Variants in SPECC1 observed in about 807,000 individuals in gnomAD.
SPECC1 encodes cytospin-B.
In SPECC1, 62 loss-of-function variants were observed where a neutral mutation model predicts 104.1. The observed-to-expected ratio is 0.60, with a 90% CI of 0.49 to 0.74. The LOEUF (loss-of-function observed/expected upper bound fraction) is 0.74. Among genes scored for constraint, SPECC1 ranks in the 30% least tolerant of loss-of-function variants. The pLI is 0.00. For missense variants in SPECC1, 1,306 were observed against 1,310.5 expected (o/e 1.00, Z 0.05); for synonymous variants, 513 against 501.6 (o/e 1.02, Z -0.30).
chr17:20,269,400 C>A (rs1217407316), intron 12 of SPECC1, among the ~76,000 whole-genome samples: 1 of 152,206 alleles, frequency 6.6e-6, no homozygotes, highest in Non-Finnish European at 1.5e-5. Context: ...GGGCTGGATG[C>A]TGAGTCCCTA....
chr17:20,070,182 TG>T (rs1433877903), intron 1 of SPECC1, among the ~76,000 whole-genome samples: 1 of 152,230 alleles, frequency 6.6e-6, no homozygotes, highest in Non-Finnish European at 1.5e-5. Context: ...GAGACACCCT[TG>T]TCTAGTTTCT....
chr17:20,165,985 G>T (rs1229093590), intron 3 of SPECC1, among the ~76,000 whole-genome samples: 1 of 151,940 alleles, frequency 6.6e-6, no homozygotes, highest in Non-Finnish European at 1.5e-5. Flanking sequence ...CTCCCATTCT[G>T]TAGGTAGCAG....
chr17:20,286,028 A>G (rs2040933261), intron 12 of SPECC1, among the ~76,000 whole-genome samples: 1 of 152,062 alleles, frequency 6.6e-6, no homozygotes, highest in Non-Finnish European at 1.5e-5. Context: ...TGCCCAGGCT[A>G]GTCTTGAGCT....
rs77754953 is a variant in SPECC1, at chr17:20,230,644, C to G, written c.2072-1114C>G. ...TCCACAGCAAAATTTAGACACATGC[C>G]TGTGGTTATATCATCATATATCCAA... On this transcript the variant is annotated intron_variant, in intron 5 of 14. Transcript: ENST00000395527. 1.6e-3 allele frequency among the ~76,000 whole-genome samples: 246 copies of G among 152,276 alleles called. 1 individual carries two copies. The highest frequency in any genetic ancestry group is 5.8e-3 in the African/African-American group (240 of 41,540).
intron 3 of SPECC1, among the ~76,000 whole-genome samples, chr17:20,151,357 A>G (rs1363924675): frequency 6.6e-6 from 1 of 152,222 alleles, no homozygotes; most frequent in Non-Finnish European, 1.5e-5. Context: ...CTTCAACAGT[A>G]CTGCGTTGTC....
intron 7 of SPECC1, among the ~76,000 whole-genome samples, chr17:20,239,796 G>A (rs2039108549): frequency 6.6e-6 from 1 of 150,754 alleles, no homozygotes; most frequent in African/African-American, 2.4e-5. Flanking sequence ...CTGAGCAGTA[G>A]TGGAGAGCCT....
rs1254372252 is a variant in SPECC1 at position 20,315,700 on chromosome 17, TAGG to T, written c.*1638_*1640del. ...CAGCCCCTTACCATTCCTGGAGAGGTAGGAGCTCAGTCCCTTCCTCCAAGCCAG... is the reference window on the plus strand; with the variant it reads ...CAGCCCCTTACCATTCCTGGAGAGGTAGCTCAGTCCCTTCCTCCAAGCCAG... On this transcript the variant is annotated 3_prime_UTR_variant, in exon 15 of 15. Coordinates refer to ENST00000395527, the MANE Select transcript of SPECC1 (RefSeq NM_001243439.2). 1 of 232,012 alleles carries T rather than the reference TAGG, an allele frequency of 4.3e-6. No individual in the cohort carries two copies. The highest frequency in any genetic ancestry group is 8.5e-6 in the Non-Finnish European group (1 of 117,424). 14.4% of individuals were successfully genotyped at this position (232,012 alleles called of 1,614,324 possible). A position where few individuals can be genotyped will look rare whatever the true frequency, so the allele number is the denominator to read the frequency against.
At chr17:20,065,287 A>G (rs1375802712) in intron 1 of SPECC1, among the ~76,000 whole-genome samples, 1 of 152,198 alleles carries the variant, frequency 6.6e-6, no homozygotes, top group Non-Finnish European at 1.5e-5. Flanking sequence ...CAGATCCCAC[A>G]GGGCAAAACT....
chr17:20,311,252 T>C (rs9908418), intron 14 of SPECC1, among the ~76,000 whole-genome samples: 18,162 of 152,190 alleles, frequency 0.12, 1,117 homozygotes, highest in Non-Finnish European at 0.13. Context: ...GTAAATGCTT[T>C]GGGATTTTTC....
intron 1 of SPECC1, among the ~76,000 whole-genome samples, chr17:20,055,262 T>C (rs2045918698): frequency 9.2e-6 from 1 of 109,084 alleles, no homozygotes; most frequent in African/African-American, 3.6e-5. Context: ...TTATAGAATT[T>C]CCTTTTTTTT....
chr17:20,136,135 C>G (rs2029932379), intron 3 of SPECC1, among the ~76,000 whole-genome samples: 1 of 152,012 alleles, frequency 6.6e-6, no homozygotes, highest in Non-Finnish European at 1.5e-5. Flanking sequence ...CAAACCATTG[C>G]ACTGGGCGCG....
chr17:20,256,356 C>T (rs532975985), intron 10 of SPECC1, among the ~76,000 whole-genome samples: 2 of 152,248 alleles, frequency 1.3e-5, no homozygotes, highest in Admixed American at 1.3e-4. Flanking sequence ...TTACTTGCTT[C>T]TAGCAATCCC....
Position 20,247,401 on chromosome 17 carries a change from C to T in SPECC1, c.2598+82C>T, listed in dbSNP as rs1296768698. The T allele has an allele frequency of 3.5e-5, 33 of 942,170 alleles. No homozygotes were observed. In the Middle Eastern group the frequency reaches 2.4e-3, roughly 69 times the overall value. 58.4% of individuals were successfully genotyped at this position (942,170 alleles called of 1,614,324 possible). Reference sequence around the variant, plus strand: ...GTTTTTCTTTACACATATTAGTGTCCGTGTGTGTATGTGTGTGTGTAGAGT... The same window carrying T: ...GTTTTTCTTTACACATATTAGTGTCTGTGTGTGTATGTGTGTGTGTAGAGT... On this transcript the variant is annotated intron_variant, in intron 9 of 14. Coordinates refer to ENST00000395527, the MANE Select transcript of SPECC1 (RefSeq NM_001243439.2).
At chr17:20,074,489 T>A (rs2046680163) in intron 1 of SPECC1, among the ~76,000 whole-genome samples, 1 of 152,238 alleles carries the variant, frequency 6.6e-6, no homozygotes, top group African/African-American at 2.4e-5. Context: ...TTTTGCTTTT[T>A]ATTTCCTTGT....
At chr17:20,264,866 A>T (rs909277592) in intron 12 of SPECC1, among the ~76,000 whole-genome samples, 4 of 152,118 alleles carry the variant, frequency 2.6e-5, no homozygotes, top group Non-Finnish European at 5.9e-5. Context: ...TATAAGTGAG[A>T]TGTGGTATTT....
chr17:20,194,208 C>G (rs776007622), intron 3 of SPECC1, among the ~76,000 whole-genome samples: 2 of 152,122 alleles, frequency 1.3e-5, no homozygotes, highest in Non-Finnish European at 2.9e-5. Context: ...AAGCTGAGCC[C>G]CATCATGGGT....
chr17:20,247,460 A>G, intron 9 of SPECC1, 141 bp downstream of exon 9: 1 of 520,522 alleles, frequency 1.9e-6, no homozygotes, highest in Non-Finnish European at 3.4e-6. Flanking sequence ...ACTATGCATT[A>G]TTCCAATACT....
intron 7 of SPECC1, among the ~76,000 whole-genome samples, chr17:20,235,546 C>T (rs932571086): frequency 6.6e-6 from 1 of 152,086 alleles, no homozygotes; most frequent in Non-Finnish European, 1.5e-5. Context: ...TATATTGTGC[C>T]GCATACAAGC....
intron 4 of SPECC1, among the ~76,000 whole-genome samples, chr17:20,221,961 T>C (rs2037903019): frequency 6.6e-6 from 1 of 152,108 alleles, no homozygotes; most frequent in Non-Finnish European, 1.5e-5. Flanking sequence ...AGTTCCTCTT[T>C]GTGATTTCTA....
Sources: gnomAD v4.1 joint callset for allele counts (sites outside exome capture counted in the v4.1 genomes callset) on GRCh38, gnomAD v4.1.1 for gene constraint, MANE v1.5 for transcripts, NCBI Gene and HGNC (gene_info 2026-07-23, HGNC 2026-07-21) for gene names.